Variants in ARHGAP39 observed in about 807,000 individuals in gnomAD.
ARHGAP39 encodes the protein rho GTPase-activating protein 39.
A neutral mutation model predicts 106.9 loss-of-function variants in ARHGAP39; 44 were observed. The observed-to-expected ratio is 0.41, with a 90% CI of 0.32 to 0.53. The LOEUF is 0.53. ARHGAP39 is among the 20% of genes least tolerant of loss of function. The pLI is 0.21. For synonymous variants in ARHGAP39, 768 were observed against 693.2 expected, an observed-to-expected ratio of 1.11 and a Z score of -1.69; for missense variants, 1,496 against 1,577.3, an observed-to-expected ratio of 0.95 and a Z score of 0.87.
intron 1 of ARHGAP39, among the ~76,000 whole-genome samples, chr8:144,656,540 C>T (rs1471399456): frequency 2.6e-5 from 4 of 152,060 alleles, no homozygotes; most frequent in African/African-American, 7.2e-5. Flanking sequence ...CGGTGATTCA[C>T]ATCTGTAATC....
At chr8:144,623,839 T>C (rs1820869358) in intron 1 of ARHGAP39, among the ~76,000 whole-genome samples, 1 of 152,162 alleles carries the variant, frequency 6.6e-6, no homozygotes, top group Non-Finnish European at 1.5e-5. Flanking sequence ...GAGAGGCCAC[T>C]GGGCAAGTAA....
chr8:144,650,015 C>T (rs886856788), intron 1 of ARHGAP39, among the ~76,000 whole-genome samples: 3 of 151,836 alleles, frequency 2.0e-5, no homozygotes, highest in African/African-American at 4.8e-5. Context: ...TGGTGGTGCA[C>T]GCCTGTAATC....
At chr8:144,666,068 C>A (rs189159009) in intron 1 of ARHGAP39, among the ~76,000 whole-genome samples, 3 of 152,326 alleles carry the variant, frequency 2.0e-5, no homozygotes, top group African/African-American at 4.8e-5. Context: ...ATCAGCATGA[C>A]CTGGATGTGA....
Position 144,530,412 on chromosome 8 carries a change from G to A in ARHGAP39, c.*10C>T. The A allele has an allele frequency of 6.3e-7, 1 of 1,585,662 alleles. No individual in the cohort carries two copies. Among genetic ancestry groups the A allele is most frequent in the Non-Finnish European group, 8.6e-7 (1 of 1,163,246 alleles). On this transcript the variant is annotated 3_prime_UTR_variant, in exon 12 of 12. Transcript: ENST00000377307. ...CGGCAGGACATCCCTCCTGTCCCCG[G>A]GCGCCCCCGCTACAGCACACCCTCC...
chr8:144,636,058 C>T (rs1407815743), intron 1 of ARHGAP39, among the ~76,000 whole-genome samples: 3 of 149,106 alleles, frequency 2.0e-5, no homozygotes, highest in Admixed American at 6.7e-5. Flanking sequence ...AGCACTTACC[C>T]GGTGGGATCT....
intron 1 of ARHGAP39, among the ~76,000 whole-genome samples, chr8:144,613,674 G>A (rs557054046): frequency 6.6e-6 from 1 of 151,822 alleles, no homozygotes; most frequent in South Asian, 2.1e-4. Flanking sequence ...TGAGTAACTC[G>A]ATGATGATGT....
In ARHGAP39 at chr8:144,547,992, G is replaced by C. The variant is rs200472448; in HGVS notation, c.1094C>G (p.Pro365Arg). ...PFLQPNKQGP[P>R]SPCQQLVLTK... ...GAGCACCAGCTGCTGGCAGGGCGAG[G>C]GGGGGCCCTGCTTGTTGGGCTGGAG... The change falls in exon 5 of 12, where the codon CCC becomes CGC. Residue 365 changes from proline (P) to arginine (R), a missense_variant. Transcript: ENST00000377307. The surrounding 1 kb of genome is among the most constrained non-coding windows in gnomAD (Gnocchi z 5.2). 6 of 1,610,024 alleles carry C rather than the reference G, an allele frequency of 3.7e-6. No individual in the cohort carries two copies. In the African/African-American group the frequency reaches 6.7e-5, roughly 18 times the overall value.
intron 3 of ARHGAP39, among the ~76,000 whole-genome samples, chr8:144,566,694 A>G (rs1042773458): frequency 6.6e-6 from 1 of 152,090 alleles, no homozygotes; most frequent in African/African-American, 2.4e-5. Flanking sequence ...CGGCTCTACT[A>G]AAAATACAAA....
At chr8:144,577,635 A>T (rs910265032) in intron 3 of ARHGAP39, among the ~76,000 whole-genome samples, 2 of 152,256 alleles carry the variant, frequency 1.3e-5, no homozygotes, top group African/African-American at 4.8e-5. Context: ...AATCCCAGAG[A>T]TTATAAACGA....
intron 1 of ARHGAP39, among the ~76,000 whole-genome samples, chr8:144,621,651 T>C (rs547608503): frequency 6.8e-4 from 104 of 152,190 alleles, no homozygotes; most frequent in Non-Finnish European, 1.3e-3. Flanking sequence ...ACCCCATCTC[T>C]ACGAAAAAAT....
At chr8:144,607,081 G>C (rs1820320269) in intron 1 of ARHGAP39, among the ~76,000 whole-genome samples, 1 of 151,090 alleles carries the variant, frequency 6.6e-6, no homozygotes, top group African/African-American at 2.4e-5. Flanking sequence ...ATCTGACAAA[G>C]GGCCACATCA....
chr8:144,529,901 C>G lies in ARHGAP39; in HGVS notation c.*521G>C, dbSNP rs1055145733. ...GCCCCGGGCCCACTGTCCTGGAGCC[C>G]CCAAACTCCTGAGCAGTCACCAGCT... On this transcript the variant is annotated 3_prime_UTR_variant, in exon 12 of 12. Transcript: ENST00000377307. 1 of 154,552 alleles carries G rather than the reference C, an allele frequency of 6.5e-6. No individual in the cohort carries two copies. The highest frequency in any genetic ancestry group is 1.4e-5 in the Non-Finnish European group (1 of 69,686). The allele number at this position is 154,552 out of a possible 1,614,324, so 9.6% of individuals were successfully genotyped here. A position where few individuals can be genotyped will look rare whatever the true frequency, so the allele number is the denominator to read the frequency against.
chr8:144,532,169 G>A (rs1461649982), intron 10 of ARHGAP39, 136 bp downstream of exon 10: 3 of 738,828 alleles, frequency 4.1e-6, no homozygotes, highest in Non-Finnish European at 6.8e-6. Flanking sequence ...CAGAAGGGAG[G>A]ATGTGCTAGA....
the ARHGAP39 span, among the ~76,000 whole-genome samples, chr8:144,699,593 C>T: frequency 2.1e-5 from 1 of 47,866 alleles, no homozygotes; most frequent in Non-Finnish European, 4.0e-5. Context: ...GCTGGGGGCA[C>T]GGAGGGGAGG....
In ARHGAP39 at chr8:144,583,045, C is replaced by T. The variant is rs527590902; in HGVS notation, c.81-1768G>A. 1.2e-4 allele frequency among the ~76,000 whole-genome samples: 18 copies of T among 152,278 alleles called. 1 individual carries two copies. The South Asian group carries it at 2.1e-3, about 18-fold the overall frequency. The stretch of plus-strand genomic sequence containing the variant: ...CCCTTGGCGTACACACCCACTCCAC[C>T]GTCCACCGTCCAGCAAACCACACGC... On this transcript the variant is annotated intron_variant, in intron 2 of 11. Coordinates refer to ENST00000377307, the MANE Select transcript of ARHGAP39 (RefSeq NM_025251.3).
chr8:144,598,936 AAG>A (rs1819735351), intron 2 of ARHGAP39, among the ~76,000 whole-genome samples: 1 of 152,232 alleles, frequency 6.6e-6, no homozygotes, highest in Admixed American at 6.5e-5. Context: ...ACTATAGAAA[AAG>A]AGCAAAAGAT....
intron 1 of ARHGAP39, among the ~76,000 whole-genome samples, chr8:144,660,339 C>T (rs979150903): frequency 1.3e-5 from 2 of 152,142 alleles, no homozygotes; most frequent in Non-Finnish European, 2.9e-5. Context: ...CTCCCCTAAC[C>T]CCATCTCACC....
chr8:144,694,532 T>A, the ARHGAP39 span, among the ~76,000 whole-genome samples: 2 of 152,238 alleles, frequency 1.3e-5, no homozygotes, highest in Non-Finnish European at 2.9e-5. Context: ...CAGCTGTGTG[T>A]GTTAACGCCG....
chr8:144,543,060 C>T (rs1162016508), intron 6 of ARHGAP39, among the ~76,000 whole-genome samples: 7 of 151,952 alleles, frequency 4.6e-5, no homozygotes, highest in African/African-American at 1.7e-4. Context: ...GACTTAACCT[C>T]CTGGGCTCAA....
Sources: gnomAD v4.1 joint callset for allele counts (sites outside exome capture counted in the v4.1 genomes callset) on GRCh38, gnomAD v4.1.1 for gene constraint, Gnocchi (gnomAD v3.1) non-coding constraint, MANE v1.5 for transcripts, NCBI Gene and HGNC (gene_info 2026-07-23, HGNC 2026-07-21) for gene names.